PDE11A: variants seen among roughly 807,000 people sequenced by gnomAD.
The protein encoded by PDE11A is dual 3',5'-cyclic-AMP and -GMP phosphodiesterase 11A.
In PDE11A, 100 loss-of-function variants were observed where a neutral mutation model predicts 100.5. The ratio of observed to expected loss-of-function variants is 1.00; its 90% confidence interval spans 0.85 to 1.18. The LOEUF is 1.18. Ranked by LOEUF, PDE11A falls within the 50% of genes most tolerant of loss-of-function variation. The pLI is 0.00. For missense variants in PDE11A, 1,141 were observed against 1,152.6 expected (o/e 0.99, Z 0.15); for synonymous variants, 381 against 420.8 (o/e 0.91, Z 1.16).
rs957479512 is a variant in PDE11A, at chr2:177,933,111, A to C, written c.1072-27924T>G. Among the ~76,000 whole-genome samples the C allele has an allele frequency of 2.6e-5, 4 of 152,018 alleles. No homozygotes were observed. In the East Asian group the frequency reaches 7.7e-4, roughly 29 times the overall value. On this transcript the variant is annotated intron_variant, in intron 2 of 19. Transcript: ENST00000286063. ...ACACAAATAAAATACCTAGGAATAC[A>C]TCTAACCAAGGAGGTGAAAGATCTT...
intron 1 of PDE11A, among the ~76,000 whole-genome samples, chr2:178,055,440 G>A (rs1262825715): frequency 1.3e-5 from 2 of 151,950 alleles, no homozygotes; most frequent in Non-Finnish European, 2.9e-5. Context: ...TGGCACATGT[G>A]TACATATGTA....
chr2:178,073,136 A>C (rs187103496), upstream of PDE11A: 18 of 905,904 alleles, frequency 2.0e-5, no homozygotes, highest in Non-Finnish European at 2.1e-5. Context: ...GATGTTTTGC[A>C]GGGATCTGAA....
chr2:177,830,343 T>G (rs538514863), intron 6 of PDE11A, among the ~76,000 whole-genome samples: 1 of 152,140 alleles, frequency 6.6e-6, no homozygotes, highest in Non-Finnish European at 1.5e-5. Context: ...CTCACGCCTG[T>G]AATCCTAGCA....
intron 2 of PDE11A, among the ~76,000 whole-genome samples, chr2:177,907,137 T>A (rs980384348): frequency 4.6e-5 from 7 of 151,856 alleles, no homozygotes; most frequent in Non-Finnish European, 8.8e-5. Flanking sequence ...GTTCCAGGTA[T>A]TATGTTAAAT....
chr2:177,997,425 A>G lies in PDE11A; in HGVS notation c.1071+16877T>C, dbSNP rs2105815107. The G allele has an allele frequency of 1.4e-5, 12 of 828,748 alleles. 1 individual carries two copies. The South Asian group carries it at 1.6e-4, about 11-fold the overall frequency. 51.3% of individuals were successfully genotyped at this position (828,748 alleles called of 1,614,324 possible). A position where few individuals can be genotyped will look rare whatever the true frequency, so the allele number is the denominator to read the frequency against. On this transcript the variant is annotated intron_variant, in intron 2 of 19. Transcript: ENST00000286063. ...CTCTTTTGCCCAATCTCAACCTTTTATACAGGTTTCCAGGATAGTGTTACT... is the reference window on the plus strand; with the variant it reads ...CTCTTTTGCCCAATCTCAACCTTTTGTACAGGTTTCCAGGATAGTGTTACT...
chr2:177,926,261 T>C (rs1431696591), intron 2 of PDE11A, among the ~76,000 whole-genome samples: 1 of 152,222 alleles, frequency 6.6e-6, no homozygotes, highest in Non-Finnish European at 1.5e-5. Context: ...TGATTTATCA[T>C]CTGTACTTCT....
Position 177,625,346 on chromosome 2 carries a change from AATAG to A in PDE11A, c.*4057_*4060del, listed in dbSNP as rs1413553981. Reference sequence around the variant, plus strand: ...TGAATAAAAGTCAGTGCTTTTATGTAATAGATGGAGATTCTAAGACTTGGAGAGT... The same window carrying A: ...TGAATAAAAGTCAGTGCTTTTATGTAATGGAGATTCTAAGACTTGGAGAGT... On this transcript the variant is annotated 3_prime_UTR_variant, in exon 20 of 20. Coordinates refer to ENST00000286063, the MANE Select transcript of PDE11A (RefSeq NM_016953.4). The A allele has an allele frequency of 6.6e-6, 1 of 152,604 alleles. No individual in the cohort carries two copies. The highest frequency in any genetic ancestry group is 6.5e-5 in the Admixed American group (1 of 15,280). 9.5% of individuals were successfully genotyped at this position (152,604 alleles called of 1,614,324 possible).
intron 2 of PDE11A, among the ~76,000 whole-genome samples, chr2:177,937,305 T>A (rs557557554): frequency 2.8e-5 from 4 of 145,066 alleles, no homozygotes; most frequent in African/African-American, 9.9e-5. Flanking sequence ...AGAAATTTCA[T>A]AATAAATTGA....
At position 178,096,330 on chromosome 2, in the gene PDE11A, ATT is replaced by A. The variant is rs35631942; in HGVS notation, c.162+7970_162+7971del. On this transcript the variant is annotated intron_variant, in intron 2 of 20. Transcript: ENST00000358450. ...AGGCACCCACCATCAAGCCCAGCTA[ATT>A]TTTTTTTTTTTTTTGTATTTTTACT... Among the ~76,000 whole-genome samples the A allele has an allele frequency of 1.6e-3, 221 of 137,498 alleles. 1 individual carries two copies. The highest frequency in any genetic ancestry group is 7.0e-3 in the East Asian group (33 of 4,690). The allele number at this position is 137,498 out of a possible 152,430, so 90.2% of individuals were successfully genotyped here.
intron 2 of PDE11A, among the ~76,000 whole-genome samples, chr2:177,945,036 G>A (rs1411364027): frequency 6.7e-6 from 1 of 148,540 alleles, no homozygotes. Flanking sequence ...TGGCCCGGCC[G>A]GTCTCCAGCC....
intron 15 of PDE11A, among the ~76,000 whole-genome samples, chr2:177,688,644 G>C (rs1161731791): frequency 1.3e-5 from 2 of 152,226 alleles, no homozygotes; most frequent in African/African-American, 4.8e-5. Flanking sequence ...ACCTCAGCTA[G>C]TGAAAAGCAA....
chr2:178,063,165 G>T (rs1004171374), intron 1 of PDE11A, among the ~76,000 whole-genome samples: 2 of 152,110 alleles, frequency 1.3e-5, no homozygotes, highest in African/African-American at 4.8e-5. Flanking sequence ...AGAAAAATAG[G>T]CATGTTGATC....
chr2:177,686,243 G>A (rs997830969), intron 15 of PDE11A, among the ~76,000 whole-genome samples: 2 of 152,168 alleles, frequency 1.3e-5, no homozygotes, highest in Admixed American at 6.5e-5. Context: ...GAATCATGAG[G>A]AACTCATCAA....
At chr2:177,925,142 G>A (rs2085109268) in intron 2 of PDE11A, among the ~76,000 whole-genome samples, 2 of 150,616 alleles carry the variant, frequency 1.3e-5, no homozygotes, top group Admixed American at 1.3e-4. Context: ...TTGGACATTT[G>A]GGTTGGTTCC....
chr2:177,846,779 T>A (rs1289536524), intron 5 of PDE11A, among the ~76,000 whole-genome samples: 1 of 152,216 alleles, frequency 6.6e-6, no homozygotes, highest in Non-Finnish European at 1.5e-5. Flanking sequence ...GACATTTGTA[T>A]GGGCTTTCAA....
At chr2:178,082,457 G>A (rs946668037) in intron 2 of PDE11A, among the ~76,000 whole-genome samples, 1 of 152,138 alleles carries the variant, frequency 6.6e-6, no homozygotes, top group African/African-American at 2.4e-5. Context: ...ACCCTCATAA[G>A]TGTTGCAGCC....
intron 2 of PDE11A, among the ~76,000 whole-genome samples, chr2:177,950,337 C>A (rs1268026972): frequency 6.6e-6 from 1 of 152,022 alleles, no homozygotes; most frequent in Non-Finnish European, 1.5e-5. Context: ...TTCTTCTTTA[C>A]CTTTATAACT....
At chr2:177,696,262 G>T (rs2081110671) in intron 15 of PDE11A, among the ~76,000 whole-genome samples, 1 of 152,074 alleles carries the variant, frequency 6.6e-6, no homozygotes, top group Non-Finnish European at 1.5e-5. Context: ...CTACACACAG[G>T]TCATAACATA....
At chr2:177,781,086 T>C (rs1388129308) in intron 9 of PDE11A, among the ~76,000 whole-genome samples, 1 of 152,202 alleles carries the variant, frequency 6.6e-6, no homozygotes, top group Non-Finnish European at 1.5e-5. Context: ...TTAAAAGTGA[T>C]AGATGTGCAA....
Sources: allele counts gnomAD v4.1 joint callset (sites outside exome capture counted in the v4.1 genomes callset), GRCh38; gene constraint gnomAD v4.1.1; transcripts MANE v1.5; gene names NCBI Gene and HGNC (gene_info 2026-07-23, HGNC 2026-07-21).